GUCY1A2: variants seen among roughly 807,000 people sequenced by gnomAD.
The protein encoded by GUCY1A2 is guanylate cyclase soluble subunit alpha-2.
A neutral mutation model predicts 63.5 loss-of-function variants in GUCY1A2; 27 were observed. The observed-to-expected ratio is 0.43, with a 90% CI of 0.31 to 0.59. The LOEUF (loss-of-function observed/expected upper bound fraction) is 0.59, where lower values mean the gene tolerates loss of function less well. Among genes scored for constraint, GUCY1A2 ranks in the 20% least tolerant of loss-of-function variants. The pLI is 0.11. For missense variants in GUCY1A2, 768 were observed against 913.3 expected (o/e 0.84, Z 2.05); for synonymous variants, 364 against 343.5 (o/e 1.06, Z -0.66).
At chr11:106,699,424 A>ATATTTATG (rs1260232006) in intron 7 of GUCY1A2, among the ~76,000 whole-genome samples, 2 of 152,212 alleles carry the variant, frequency 1.3e-5, no homozygotes, top group East Asian at 3.9e-4. Context: ...TTTATGACAT[A>ATATTTATG]TATTTATGTA....
chr11:106,865,363 T>C (rs777172833), intron 4 of GUCY1A2, among the ~76,000 whole-genome samples: 1 of 151,938 alleles, frequency 6.6e-6, no homozygotes, highest in African/African-American at 2.4e-5. Flanking sequence ...TTTTGAAGGG[T>C]TTTTTGTGTC....
rs1247552313 is a variant in GUCY1A2, at chr11:106,978,682, G to A, written c.424C>T (p.His142Tyr). Residue 142 changes from histidine to tyrosine, a missense_variant, in exon 3 of 8, where the codon CAC (histidine) becomes TAC (tyrosine). Coordinates refer to ENST00000526355, the MANE Select transcript of GUCY1A2 (RefSeq NM_000855.3). ...TCTTCAATTTCTTCTTTGTTGGAGT[G>A]GTCTGCATAGGAGCATCTGTTAGAG... is the stretch of plus-strand genomic sequence containing the variant. ...NISNRCSYAD[H>Y]SNKEEIEDVS... 4.5e-6 allele frequency: 7 copies of A among 1,571,778 alleles called. No individual in the cohort carries two copies. The Admixed American group carries it at 1.0e-4, about 22-fold the overall frequency.
Position 106,680,035 on chromosome 11 carries a change from A to C in GUCY1A2, c.*7514T>G, listed in dbSNP as rs954708926. ...TAAATCATGTGGCTTCCATTAAACC[A>C]GAGGTGTTTGTTACGGAAATTGCCT... On this transcript the variant is annotated 3_prime_UTR_variant, in exon 8 of 8. Transcript: ENST00000526355. 1 of 215,754 alleles carries C rather than the reference A, an allele frequency of 4.6e-6. No homozygotes were observed. The highest frequency in any genetic ancestry group is 9.3e-6 in the Non-Finnish European group (1 of 107,008). 13.4% of individuals were successfully genotyped at this position (215,754 alleles called of 1,614,324 possible).
chr11:106,838,234 C>T (rs570202225), intron 4 of GUCY1A2, among the ~76,000 whole-genome samples: 4 of 152,012 alleles, frequency 2.6e-5, no homozygotes, highest in South Asian at 2.1e-4. Context: ...AGTATGTCTC[C>T]GTGCCTTACC....
intron 4 of GUCY1A2, among the ~76,000 whole-genome samples, chr11:106,926,470 G>A (rs964809985): frequency 2.7e-5 from 4 of 149,902 alleles, no homozygotes; most frequent in Non-Finnish European, 5.9e-5. Flanking sequence ...AGAAATTTAT[G>A]AGACCATTTT....
At chr11:106,714,282 A>G (rs1306199237) in intron 6 of GUCY1A2, among the ~76,000 whole-genome samples, 1 of 152,174 alleles carries the variant, frequency 6.6e-6, no homozygotes, top group East Asian at 1.9e-4. Context: ...AAGAGTATCA[A>G]CAACCACATA....
intron 6 of GUCY1A2, among the ~76,000 whole-genome samples, chr11:106,748,353 A>G (rs1486121519): frequency 1.3e-5 from 2 of 152,226 alleles, no homozygotes; most frequent in African/African-American, 4.8e-5. Flanking sequence ...AGCTCTACCT[A>G]TAGGGTAACA....
chr11:106,757,817 G>A (rs1371263361), intron 6 of GUCY1A2, among the ~76,000 whole-genome samples: 1 of 152,180 alleles, frequency 6.6e-6, no homozygotes, highest in Non-Finnish European at 1.5e-5. Flanking sequence ...TCCCAGTTAG[G>A]CTACATGGGG....
intron 4 of GUCY1A2, among the ~76,000 whole-genome samples, chr11:106,869,441 G>C (rs1859642137): frequency 6.6e-6 from 1 of 152,050 alleles, no homozygotes; most frequent in South Asian, 2.1e-4. Context: ...ATCAACAAGG[G>C]GCAAAGGATA....
intron 4 of GUCY1A2, among the ~76,000 whole-genome samples, chr11:106,880,003 T>C (rs1427694624): frequency 6.6e-6 from 1 of 152,026 alleles, no homozygotes; most frequent in Non-Finnish European, 1.5e-5. Flanking sequence ...AGAATGACCC[T>C]GTATGGTCAA....
At chr11:106,754,571 G>A (rs1304134498) in intron 6 of GUCY1A2, among the ~76,000 whole-genome samples, 1 of 152,216 alleles carries the variant, frequency 6.6e-6, no homozygotes, top group African/African-American at 2.4e-5. Context: ...ATGAAGGGCT[G>A]TTGAATTTCG....
At chr11:106,776,875 T>A (rs1864366366) in intron 5 of GUCY1A2, among the ~76,000 whole-genome samples, 1 of 152,224 alleles carries the variant, frequency 6.6e-6, no homozygotes, top group Non-Finnish European at 1.5e-5. Context: ...GTCAGTATTT[T>A]GCCTAGATAA....
chr11:106,682,762 G>A lies in GUCY1A2; in HGVS notation c.*4787C>T, dbSNP rs1022158271. On this transcript the variant is annotated 3_prime_UTR_variant, in exon 8 of 8. Transcript: ENST00000526355. ...ACTATTTTAGAATATGGGATTAGCTGTGATACTTCCTGTGTTATAAATGTA... is the reference window on the plus strand; with the variant it reads ...ACTATTTTAGAATATGGGATTAGCTATGATACTTCCTGTGTTATAAATGTA... The A allele has an allele frequency of 2.9e-5, 6 of 209,972 alleles. No individual in the cohort carries two copies. The highest frequency in any genetic ancestry group is 1.9e-5 in the Non-Finnish European group (2 of 103,342). 13.0% of individuals were successfully genotyped at this position (209,972 alleles called of 1,614,324 possible).
chr11:106,760,313 G>C (rs1864043719), intron 6 of GUCY1A2, among the ~76,000 whole-genome samples: 1 of 152,096 alleles, frequency 6.6e-6, no homozygotes, highest in Admixed American at 6.6e-5. Flanking sequence ...AGTGGCAGAA[G>C]AACAAGTAAT....
intron 7 of GUCY1A2, among the ~76,000 whole-genome samples, chr11:106,691,517 TA>T (rs1862625346): frequency 6.6e-6 from 1 of 152,206 alleles, no homozygotes; most frequent in Non-Finnish European, 1.5e-5. Context: ...TGTTTTGCTA[TA>T]ATTGAGATTT....
intron 1 of GUCY1A2, among the ~76,000 whole-genome samples, chr11:106,994,329 C>G (rs1031298939): frequency 2.6e-5 from 4 of 152,162 alleles, no homozygotes; most frequent in Non-Finnish European, 5.9e-5. Context: ...CACTTTAATG[C>G]CTTTCCAAAA....
At chr11:106,982,831 G>A (rs1385175868) in intron 2 of GUCY1A2, among the ~76,000 whole-genome samples, 1 of 152,188 alleles carries the variant, frequency 6.6e-6, no homozygotes, top group African/African-American at 2.4e-5. Context: ...TACAGAGGTA[G>A]GCAGAGGCCA....
Position 107,011,177 on chromosome 11 carries a change from C to A in GUCY1A2, c.303+6576G>T, listed in dbSNP as rs113881462. Reference sequence around the variant, plus strand: ...TGAAGAAAGCCTGCTCAATAGATAGCCCTTGCAAATATTCTCCCGGCCTAT... The same window carrying A: ...TGAAGAAAGCCTGCTCAATAGATAGACCTTGCAAATATTCTCCCGGCCTAT... On this transcript the variant is annotated intron_variant, in intron 1 of 7. Coordinates refer to ENST00000526355, the MANE Select transcript of GUCY1A2 (RefSeq NM_000855.3). Among the ~76,000 whole-genome samples, 901 of 152,260 alleles carry A rather than the reference C, an allele frequency of 5.9e-3. 7 individuals are homozygous for A. The highest frequency in any genetic ancestry group is 0.021 in the African/African-American group (868 of 41,528).
intron 1 of GUCY1A2, 42 bp downstream of exon 1, chr11:107,017,711 T>C: frequency 8.3e-7 from 1 of 1,207,294 alleles, no homozygotes; most frequent in Admixed American, 3.2e-5. Flanking sequence ...AGATCCGCGT[T>C]CTCTCCCCCG....
Sources: allele counts gnomAD v4.1 joint callset (sites outside exome capture counted in the v4.1 genomes callset), GRCh38; gene constraint gnomAD v4.1.1; transcripts MANE v1.5; gene names NCBI Gene and HGNC (gene_info 2026-07-23, HGNC 2026-07-21).